TMEM132D: variants seen among roughly 807,000 people sequenced by gnomAD.
TMEM132D encodes the protein transmembrane protein 132D, also known as mature OL transmembrane protein.
TMEM132D carries 21 observed loss-of-function variants against 62.3 expected under a neutral mutation model. The observed-to-expected ratio is 0.34, with a 90% confidence interval of 0.24 to 0.49. TMEM132D has a LOEUF of 0.49. TMEM132D is among the 20% of genes least tolerant of loss of function. The pLI is 0.99. For synonymous variants in TMEM132D, 621 were observed against 575.6 expected (o/e 1.08, Z -1.13); for missense variants, 1,346 against 1,402.8 (o/e 0.96, Z 0.65).
intron 5 of TMEM132D, among the ~76,000 whole-genome samples, chr12:129,171,605 C>T (rs1185501766): frequency 2.0e-5 from 3 of 152,220 alleles, no homozygotes; most frequent in Non-Finnish European, 4.4e-5. Context: ...GTCAGAATTA[C>T]TTTTTGCTTT....
At chr12:129,402,888 A>G (rs944344202) in intron 3 of TMEM132D, among the ~76,000 whole-genome samples, 3 of 152,004 alleles carry the variant, frequency 2.0e-5, no homozygotes, top group African/African-American at 7.3e-5. Flanking sequence ...TGTGAGATTG[A>G]GGACTGGGTC....
At chr12:129,550,914 T>C (rs1876876990) in intron 2 of TMEM132D, among the ~76,000 whole-genome samples, 1 of 152,220 alleles carries the variant, frequency 6.6e-6, no homozygotes, top group Non-Finnish European at 1.5e-5. Context: ...ACTATGAGGC[T>C]GTGAGTTCTG....
At chr12:129,431,670 C>A (rs1194054312) in intron 3 of TMEM132D, among the ~76,000 whole-genome samples, 1 of 152,204 alleles carries the variant, frequency 6.6e-6, no homozygotes, top group Non-Finnish European at 1.5e-5. Context: ...GTTCATGCAA[C>A]ATCCATATAT....
chr12:129,778,735 A>G (rs774581717), intron 1 of TMEM132D, among the ~76,000 whole-genome samples: 6 of 152,198 alleles, frequency 3.9e-5, no homozygotes, highest in Non-Finnish European at 8.8e-5. Flanking sequence ...GGTAGGATGC[A>G]CTATGGAGGG....
At chr12:129,587,971 GCTC>G (rs1309091765) in intron 2 of TMEM132D, among the ~76,000 whole-genome samples, 1 of 152,158 alleles carries the variant, frequency 6.6e-6, no homozygotes, top group East Asian at 1.9e-4. Flanking sequence ...ACAGACCTGA[GCTC>G]CTCCTGGAGA....
chr12:129,227,750 A>C (rs894584065), intron 4 of TMEM132D, among the ~76,000 whole-genome samples: 9 of 150,812 alleles, frequency 6.0e-5, no homozygotes, highest in Middle Eastern at 3.5e-3. Context: ...CCTCCCCACT[A>C]CCCCCACCCC....
chr12:129,303,847 A>G (rs1186796618), intron 4 of TMEM132D, among the ~76,000 whole-genome samples: 1 of 152,052 alleles, frequency 6.6e-6, no homozygotes, highest in Admixed American at 6.6e-5. Context: ...GGGCGGGTTG[A>G]GCATAAATCT....
intron 1 of TMEM132D, among the ~76,000 whole-genome samples, chr12:129,795,385 C>G (rs975485983): frequency 2.6e-5 from 4 of 152,156 alleles, no homozygotes; most frequent in Admixed American, 1.3e-4. Flanking sequence ...CAAGGTCAGA[C>G]AGATTCCGCT....
intron 3 of TMEM132D, among the ~76,000 whole-genome samples, chr12:129,493,800 C>T (rs746565542): frequency 1.0e-3 from 154 of 152,206 alleles, no homozygotes; most frequent in Non-Finnish European, 1.9e-3. Flanking sequence ...GCCTTCAGAG[C>T]ATGAATTCTT....
At chr12:129,508,288 G>A (rs536969847) in intron 3 of TMEM132D, among the ~76,000 whole-genome samples, 1 of 152,208 alleles carries the variant, frequency 6.6e-6, no homozygotes, top group South Asian at 2.1e-4. Context: ...AAGCATGGAA[G>A]AAATATCTTA....
chr12:129,663,222 C>T (rs930970261), intron 2 of TMEM132D, among the ~76,000 whole-genome samples: 9 of 152,180 alleles, frequency 5.9e-5, no homozygotes, highest in Non-Finnish European at 1.3e-4. Context: ...TCCGCAGCCT[C>T]CACCTCCTGG....
chr12:129,645,385 T>C (rs1453601469), intron 2 of TMEM132D, among the ~76,000 whole-genome samples: 2 of 152,170 alleles, frequency 1.3e-5, no homozygotes, highest in Non-Finnish European at 2.9e-5. Context: ...CAGGGTGGTA[T>C]AGAAGCTTCT....
chr12:129,803,479 C>A (rs1287083707), intron 1 of TMEM132D, among the ~76,000 whole-genome samples: 1 of 151,984 alleles, frequency 6.6e-6, no homozygotes, highest in East Asian at 1.9e-4. Flanking sequence ...TAAAGATGTT[C>A]TTTGAAACCA....
At chr12:129,778,188 GAAA>G (rs56064837) in intron 1 of TMEM132D, among the ~76,000 whole-genome samples, 1 of 144,892 alleles carries the variant, frequency 6.9e-6, no homozygotes, top group Non-Finnish European at 1.5e-5. Flanking sequence ...GAAGGAATCA[GAAA>G]AAAAAAACAC....
rs1555240386 is a variant in TMEM132D at position 129,238,996 on chromosome 12, GTTTTTTT to G, written c.1300-29340_1300-29334del. ...TCCTCATCAACATTTGTTATTTTCT[GTTTTTTT>G]TTTTTTTTTGGACAGTAACTATCCC... On this transcript the variant is annotated intron_variant, in intron 4 of 8. Coordinates refer to ENST00000422113, the MANE Select transcript of TMEM132D (RefSeq NM_133448.3). Among the ~76,000 whole-genome samples, 7 of 133,046 alleles carry G rather than the reference GTTTTTTT, an allele frequency of 5.3e-5. No individual in the cohort carries two copies. In the East Asian group the frequency reaches 1.6e-3, roughly 30 times the overall value. 87.3% of individuals were successfully genotyped at this position (133,046 alleles called of 152,430 possible). A position where few individuals can be genotyped will look rare whatever the true frequency, so the allele number is the denominator to read the frequency against.
In TMEM132D at chr12:129,148,892, C is replaced by G. The variant is rs544473831; in HGVS notation, c.1443+60628G>C. Among the ~76,000 whole-genome samples, 269 of 146,544 alleles carry G rather than the reference C, an allele frequency of 1.8e-3. 2 individuals are homozygous for G. The highest frequency in any genetic ancestry group is 6.0e-3 in the African/African-American group (241 of 40,352). ...CTCTCCAAATTGTCTTGCAGAACAT[C>G]AGGCATCTGCCTAAACAGCCCCGGA... On this transcript the variant is annotated intron_variant, in intron 5 of 8. Coordinates refer to ENST00000422113, the MANE Select transcript of TMEM132D (RefSeq NM_133448.3).
At chr12:129,552,906 T>C (rs1876939956) in intron 2 of TMEM132D, among the ~76,000 whole-genome samples, 1 of 152,204 alleles carries the variant, frequency 6.6e-6, no homozygotes, top group East Asian at 1.9e-4. Flanking sequence ...TGACTCACTG[T>C]TCTCCAAGTA....
At chr12:129,129,272 T>A (rs976327178) in intron 5 of TMEM132D, among the ~76,000 whole-genome samples, 2 of 152,134 alleles carry the variant, frequency 1.3e-5, no homozygotes, top group Non-Finnish European at 2.9e-5. Context: ...ATAGTTCACT[T>A]AGGATAATGG....
Position 129,379,954 on chromosome 12 carries a change from T to C in TMEM132D, c.1116-42137A>G, listed in dbSNP as rs114572988. On this transcript the variant is annotated intron_variant, in intron 3 of 8. Transcript: ENST00000422113. ...TGGAAATGCCATAAGCAATTAACTT[T>C]GCTTTTTATTTTACTTTCATATATT... Among the ~76,000 whole-genome samples, 1,365 of 152,342 alleles carry C rather than the reference T, an allele frequency of 9.0e-3. 20 individuals are homozygous for C. The highest frequency in any genetic ancestry group is 0.029 in the African/African-American group (1,196 of 41,574).
Sources: allele counts gnomAD v4.1 joint callset (sites outside exome capture counted in the v4.1 genomes callset), GRCh38; gene constraint gnomAD v4.1.1; transcripts MANE v1.5; gene names NCBI Gene and HGNC (gene_info 2026-07-23, HGNC 2026-07-21).